Variants in CTNNA3 observed in about 807,000 individuals in gnomAD.
CTNNA3 encodes catenin alpha-3.
A neutral mutation model predicts 95.7 loss-of-function variants in CTNNA3; 76 were observed. The observed-to-expected ratio is 0.79, with a 90% CI of 0.66 to 0.96. The LOEUF is 0.96. CTNNA3 is among the 40% of genes least tolerant of loss of function. CTNNA3 has a pLI of 0.00. For missense variants in CTNNA3, 1,191 were observed against 1,089.8 expected, an observed-to-expected ratio of 1.09 and a Z score of -1.31; for synonymous variants, 431 against 374.4, an observed-to-expected ratio of 1.15 and a Z score of -1.74.
chr10:66,259,506 C>T (rs899366539), intron 13 of CTNNA3, among the ~76,000 whole-genome samples: 1 of 152,230 alleles, frequency 6.6e-6, no homozygotes, highest in African/African-American at 2.4e-5. Context: ...AGAGGCAAAA[C>T]TTCTTATCTG....
chr10:67,183,481 T>C (rs1285875934), intron 6 of CTNNA3, among the ~76,000 whole-genome samples: 2 of 151,772 alleles, frequency 1.3e-5, no homozygotes, highest in Non-Finnish European at 2.9e-5. Flanking sequence ...TAGGTGGGAA[T>C]TGAACAATGA....
rs1206649712 is a variant in CTNNA3 at position 67,740,503 on chromosome 10, T to C, written c.-2+22931A>G. ...CCCATCAAAAGGTGGGCAAAGGACA[T>C]GAACAGACACTTGTCAACAGAAGAC... On this transcript the variant is annotated intron_variant, in intron 1 of 17. Transcript: ENST00000684154. 2.6e-5 allele frequency among the ~76,000 whole-genome samples: 4 copies of C among 151,226 alleles called. 1 individual carries two copies. The highest frequency in any genetic ancestry group is 5.9e-5 in the Non-Finnish European group (4 of 67,728).
intron 5 of CTNNA3, among the ~76,000 whole-genome samples, chr10:67,339,588 C>T (rs1364931337): frequency 1.3e-5 from 2 of 151,846 alleles, no homozygotes; most frequent in Non-Finnish European, 1.5e-5. Context: ...ACCTACAATA[C>T]TTTTTACTAC....
chr10:67,137,097 C>T (rs894841849), intron 7 of CTNNA3, among the ~76,000 whole-genome samples: 2 of 151,890 alleles, frequency 1.3e-5, no homozygotes, highest in African/African-American at 4.8e-5. Flanking sequence ...AGGACAGACC[C>T]GAAACATTCA....
At chr10:65,999,671 G>C (rs990833174) in intron 15 of CTNNA3, among the ~76,000 whole-genome samples, 1 of 152,066 alleles carries the variant, frequency 6.6e-6, no homozygotes, top group African/African-American at 2.4e-5. Flanking sequence ...CTGAAACTAT[G>C]ATAAATTTTT....
chr10:67,535,933 C>G (rs957124264), intron 4 of CTNNA3, among the ~76,000 whole-genome samples: 1 of 151,982 alleles, frequency 6.6e-6, no homozygotes, highest in African/African-American at 2.4e-5. Context: ...TCAAAAATAG[C>G]CATTCACATT....
intron 1 of CTNNA3, among the ~76,000 whole-genome samples, chr10:67,736,323 T>C (rs1265838284): frequency 6.6e-6 from 1 of 152,126 alleles, no homozygotes; most frequent in African/African-American, 2.4e-5. Context: ...CTGTTTGGGA[T>C]GATTAAAAAG....
At chr10:66,655,074 A>G (rs950503040) in intron 9 of CTNNA3, among the ~76,000 whole-genome samples, 3 of 152,082 alleles carry the variant, frequency 2.0e-5, no homozygotes, top group African/African-American at 4.8e-5. Context: ...AATTGCTTAG[A>G]AAGTATTTTG....
intron 10 of CTNNA3, among the ~76,000 whole-genome samples, chr10:66,526,875 C>A (rs896339712): frequency 2.6e-5 from 4 of 152,056 alleles, no homozygotes; most frequent in Non-Finnish European, 5.9e-5. Flanking sequence ...TAAATATTTT[C>A]TCCCACTCTT....
At chr10:66,621,903 T>G in intron 9 of CTNNA3, 119 bp from the exon 10 acceptor site, 1 of 538,766 alleles carries the variant, frequency 1.9e-6, no homozygotes, top group Non-Finnish European at 3.3e-6. Context: ...AATAACATTC[T>G]CAAAATCATC....
intron 13 of CTNNA3, among the ~76,000 whole-genome samples, chr10:66,275,009 T>C (rs867686069): frequency 6.6e-6 from 1 of 152,200 alleles, no homozygotes; most frequent in Non-Finnish European, 1.5e-5. Flanking sequence ...ATAGTCTACT[T>C]TATAAATAAT....
At chr10:66,449,481 T>C (rs769941167) in intron 11 of CTNNA3, among the ~76,000 whole-genome samples, 12 of 152,168 alleles carry the variant, frequency 7.9e-5, no homozygotes, top group Non-Finnish European at 1.3e-4. Flanking sequence ...TTGTTTGATT[T>C]TTGGCATTTC....
intron 11 of CTNNA3, among the ~76,000 whole-genome samples, chr10:66,505,884 G>C (rs1840431834): frequency 6.6e-6 from 1 of 152,126 alleles, no homozygotes; most frequent in South Asian, 2.1e-4. Context: ...ATGGCTTACT[G>C]TCTTAGCCTG....
At chr10:66,459,055 C>G (rs6480174) in intron 11 of CTNNA3, among the ~76,000 whole-genome samples, 40,309 of 152,012 alleles carry the variant, frequency 0.27, 5,521 homozygotes, top group South Asian at 0.39. Context: ...ACTTCCTCAT[C>G]TTCTCCCAGA....
intron 3 of CTNNA3, among the ~76,000 whole-genome samples, chr10:67,581,585 G>C (rs187399511): frequency 5.3e-5 from 8 of 152,158 alleles, no homozygotes; most frequent in Non-Finnish European, 1.2e-4. Flanking sequence ...AAATGAGTTA[G>C]GGAGGATTCC....
chr10:67,552,227 T>C (rs1283734042), intron 3 of CTNNA3, among the ~76,000 whole-genome samples: 1 of 152,212 alleles, frequency 6.6e-6, no homozygotes, highest in Non-Finnish European at 1.5e-5. Context: ...GGTCCATGCA[T>C]ATTTAAGTAC....
chr10:67,611,888 T>A (rs1272123102), intron 2 of CTNNA3, among the ~76,000 whole-genome samples: 1 of 152,170 alleles, frequency 6.6e-6, no homozygotes, highest in Admixed American at 6.5e-5. Flanking sequence ...CTATGTTAAT[T>A]AGCTAAAACT....
Position 67,630,394 on chromosome 10 carries a change from G to T in CTNNA3, c.99+17021C>A, listed in dbSNP as rs543219099. Among the ~76,000 whole-genome samples the T allele has an allele frequency of 8.9e-4, 136 of 152,294 alleles. 1 individual carries two copies. In the East Asian group the frequency reaches 0.019, roughly 21 times the overall value. On this transcript the variant is annotated intron_variant, in intron 2 of 17. Coordinates refer to ENST00000433211, the MANE Select transcript of CTNNA3 (RefSeq NM_013266.4). The stretch of plus-strand genomic sequence containing the variant: ...CATGTTCCATTTCCCCAGTTGCAAT[G>T]ACAGTGGAAGCACATGTTGAGATAA...
intron 15 of CTNNA3, among the ~76,000 whole-genome samples, chr10:66,013,532 A>G (rs139383844): frequency 6.6e-6 from 1 of 152,302 alleles, no homozygotes; most frequent in African/African-American, 2.4e-5. Flanking sequence ...CACACATCAC[A>G]CACTAGTATT....
Sources: gnomAD v4.1 joint callset for allele counts (sites outside exome capture counted in the v4.1 genomes callset) on GRCh38, gnomAD v4.1.1 for gene constraint, MANE v1.5 for transcripts, NCBI Gene and HGNC (gene_info 2026-07-23, HGNC 2026-07-21) for gene names.